UBR1: variants seen among roughly 807,000 people sequenced by gnomAD.
UBR1 encodes the protein ubiquitin protein ligase E3 component n-recognin 1, also known as E3 ubiquitin-protein ligase UBR1.
In UBR1, 102 loss-of-function variants were observed where a neutral mutation model predicts 242.1. The ratio of observed to expected loss-of-function variants is 0.42; its 90% CI spans 0.36 to 0.50. The LOEUF (loss-of-function observed/expected upper bound fraction) is 0.50, where lower values mean the gene tolerates loss of function less well. Among genes scored for constraint, UBR1 ranks in the 20% least tolerant of loss-of-function variants. UBR1 has a pLI of 0.01. For synonymous variants in UBR1, 675 were observed against 684.8 expected, an observed-to-expected ratio of 0.99 and a Z score of 0.22; for missense variants, 1,772 against 2,101.8, an observed-to-expected ratio of 0.84 and a Z score of 3.07.
chr15:42,988,690 A>G, intron 35 of UBR1, 129 bp downstream of exon 35: 10 of 1,269,132 alleles, frequency 7.9e-6, no homozygotes, highest in Non-Finnish European at 1.1e-5. Context: ...ACACTAATAC[A>G]CTGAAATACT....
intron 31 of UBR1, among the ~76,000 whole-genome samples, chr15:43,003,605 T>C (rs915134619): frequency 6.6e-6 from 1 of 152,212 alleles, no homozygotes; most frequent in African/African-American, 2.4e-5. Flanking sequence ...CTGATTAGTT[T>C]ATGGAGAGCA....
chr15:43,004,661 G>A (rs554433822), intron 30 of UBR1, among the ~76,000 whole-genome samples: 76 of 152,320 alleles, frequency 5.0e-4, no homozygotes, highest in African/African-American at 1.7e-3. Context: ...GATTGCAGAC[G>A]GAGTCTCGCT....
At position 43,059,083 on chromosome 15, in the gene UBR1, A is replaced by C. The variant is rs1218523305; in HGVS notation, c.1093+2T>G. 1 of 1,612,328 alleles carries C rather than the reference A, an allele frequency of 6.2e-7. No individual in the cohort carries two copies. Among genetic ancestry groups the C allele is most frequent in the Non-Finnish European group, 8.5e-7 (1 of 1,178,550 alleles). Reference sequence around the variant, plus strand: ...AAACAGCATAAGCAAATGTCTACTTACCTTTATAAAGCTTTGCATCCCAAA... The same window carrying C: ...AAACAGCATAAGCAAATGTCTACTTCCCTTTATAAAGCTTTGCATCCCAAA... On this transcript the variant is annotated splice_donor_variant, in intron 9 of 46. Transcript: ENST00000290650. LOFTEE classifies it high-confidence loss of function.
chr15:42,971,366 C>T (rs2032205337), intron 39 of UBR1, among the ~76,000 whole-genome samples: 1 of 152,166 alleles, frequency 6.6e-6, no homozygotes, highest in South Asian at 2.1e-4. Context: ...ATCCTAAACC[C>T]TTCCAGCAAC....
At chr15:43,100,934 A>G (rs2034226514) in intron 1 of UBR1, among the ~76,000 whole-genome samples, 1 of 152,278 alleles carries the variant, frequency 6.6e-6, no homozygotes, top group Admixed American at 6.5e-5. Flanking sequence ...CTAAGTAAAT[A>G]AAGACAATAC....
At chr15:43,091,266 C>T (rs540741798) in intron 1 of UBR1, among the ~76,000 whole-genome samples, 209 of 152,288 alleles carry the variant, frequency 1.4e-3, no homozygotes, top group African/African-American at 4.8e-3. Flanking sequence ...TCTACCTTTA[C>T]TGGCTTGTTC....
In UBR1 at chr15:43,032,064, GATGATGGCAATGA is replaced by G. The variant is rs563581567; in HGVS notation, c.2254+491_2254+503del. Among the ~76,000 whole-genome samples the G allele has an allele frequency of 1.6e-3, 249 of 152,076 alleles. 1 individual carries two copies. In the Middle Eastern group the frequency reaches 0.027, roughly 17 times the overall value. On this transcript the variant is annotated intron_variant, in intron 20 of 46. Coordinates refer to ENST00000290650, the MANE Select transcript of UBR1 (RefSeq NM_174916.3). The stretch of plus-strand genomic sequence containing the variant: ...AACAAAACAAAACAAAACAGAACAA[GATGATGGCAATGA>G]ATGTACCAGGTGGTAAAATCAACAC...
chr15:43,055,641 G>A (rs560165712), intron 11 of UBR1, among the ~76,000 whole-genome samples: 10 of 152,238 alleles, frequency 6.6e-5, no homozygotes, highest in Non-Finnish European at 1.3e-4. Context: ...AGGGCTGGGC[G>A]CGGTGGCTCA....
intron 1 of UBR1, among the ~76,000 whole-genome samples, chr15:43,092,679 A>C (rs964960462): frequency 6.6e-6 from 1 of 151,958 alleles, no homozygotes; most frequent in Non-Finnish European, 1.5e-5. Context: ...TCAGCCTCCC[A>C]AGTAGCTGGG....
chr15:42,993,107 A>G (rs556556901), intron 33 of UBR1, among the ~76,000 whole-genome samples: 11 of 152,210 alleles, frequency 7.2e-5, no homozygotes, highest in Admixed American at 2.0e-4. Flanking sequence ...TCCTCTGACC[A>G]GAAAGAGATG....
rs545130203 is a variant in UBR1, at chr15:43,068,184, AT to A, written c.660-149del. 57,547 of 253,612 alleles carry A rather than the reference AT, an allele frequency of 0.23. 1,443 individuals are homozygous for A. The highest frequency in any genetic ancestry group is 0.3 in the African/African-American group (9,580 of 31,906). 15.7% of individuals were successfully genotyped at this position (253,612 alleles called of 1,614,324 possible). A position where few individuals can be genotyped will look rare whatever the true frequency, so the allele number is the denominator to read the frequency against. On this transcript the variant is annotated intron_variant, in intron 5 of 46. Transcript: ENST00000290650. ...CACCATAAAAGTAATATAGAATTTG[AT>A]TTTTTTTTTTTTTTTTTTTTTGAAA...
rs181623854 is a variant in UBR1, at chr15:42,988,893, A to G, written c.3923T>C (p.Val1308Ala). The change falls in exon 35 of 47, where the codon GTG becomes GCG. Residue 1308 changes from valine (V) to alanine (A), a missense_variant. This residue lies in a region of UBR1 where 965 missense variants were observed against 1,079.7 expected (regional missense o/e 0.89). Coordinates refer to ENST00000290650, the MANE Select transcript of UBR1 (RefSeq NM_174916.3). Reference sequence around the variant, plus strand: ...TCGAGGATCCCTTTCATCAGGTGGCACTTTCAATCCAATTCTATAAATTGT... The same window carrying G: ...TCGAGGATCCCTTTCATCAGGTGGCGCTTTCAATCCAATTCTATAAATTGT... ...ATTIYRIGLK[V>A]PPDERDPRVP... 5 of 1,614,024 alleles carry G rather than the reference A, an allele frequency of 3.1e-6. No homozygotes were observed. The African/African-American group carries it at 6.7e-5, about 22-fold the overall frequency.
At position 42,977,674 on chromosome 15, in the gene UBR1, T is replaced by C. The variant is rs537743974; in HGVS notation, c.4218+206A>G. On this transcript the variant is annotated intron_variant, in intron 38 of 46. Transcript: ENST00000290650. Reference sequence around the variant, plus strand: ...CAACCAGGACAAGACCTATTACAAATTGAAGTGCTTTTTTTTTTTTTTTTT... The same window carrying C: ...CAACCAGGACAAGACCTATTACAAACTGAAGTGCTTTTTTTTTTTTTTTTT... 1.1e-4 allele frequency among the ~76,000 whole-genome samples: 16 copies of C among 150,516 alleles called. No homozygotes were observed. In the South Asian group the frequency reaches 2.7e-3, roughly 26 times the overall value.
intron 39 of UBR1, among the ~76,000 whole-genome samples, chr15:42,975,934 T>C (rs1055057625): frequency 6.6e-6 from 1 of 152,134 alleles, no homozygotes; most frequent in Non-Finnish European, 1.5e-5. Context: ...TGCAGGCTGT[T>C]CTTGAACTTC....
intron 1 of UBR1, among the ~76,000 whole-genome samples, chr15:43,102,835 CTG>C (rs757597878): frequency 6.6e-6 from 1 of 152,082 alleles, no homozygotes; most frequent in Non-Finnish European, 1.5e-5. Context: ...CTCTTTTCCT[CTG>C]TGTGTGTGTA....
Position 43,056,335 on chromosome 15 carries a change from A to G in UBR1, c.1281+9T>C. On this transcript the variant is annotated intron_variant, in intron 11 of 46. Coordinates refer to ENST00000290650, the MANE Select transcript of UBR1 (RefSeq NM_174916.3). The stretch of plus-strand genomic sequence containing the variant: ...TTAGAAAGACTGAAAAGGAATAATC[A>G]ATACATACCAGAGTAGGAACAGTAA... 1 of 1,587,378 alleles carries G rather than the reference A, an allele frequency of 6.3e-7. No homozygotes were observed.
At position 43,082,689 on chromosome 15, in the gene UBR1, T is replaced by G; in HGVS notation, c.366A>C (p.Val122=). Reference sequence around the variant, plus strand: ...TGTCCTGGAAGCAGTCCATACAGAGTACACATGTTGGATCAATTGCACAAT... The same window carrying G: ...TGTCCTGGAAGCAGTCCATACAGAGGACACATGTTGGATCAATTGCACAAT... ...CRDCAIDPTC[V]LCMDCFQDSV... is the part of the protein sequence containing the mutation. The change falls in exon 3 of 47, where the codon GTA becomes GTC. Residue 122 remains valine, a synonymous_variant. Coordinates refer to ENST00000290650, the MANE Select transcript of UBR1 (RefSeq NM_174916.3). 1 of 1,613,780 alleles carries G rather than the reference T, an allele frequency of 6.2e-7. No homozygotes were observed. The highest frequency in any genetic ancestry group is 2.2e-5 in the East Asian group (1 of 44,814).
At chr15:43,043,480 G>A (rs2033445536) in intron 14 of UBR1, 85 bp from the exon 15 acceptor site, 6 of 1,296,252 alleles carry the variant, frequency 4.6e-6, no homozygotes, top group African/African-American at 1.5e-5. Context: ...CCTGTCCTGT[G>A]GCCTAGGCTG....
At chr15:43,060,413 T>G (rs1053996091) in intron 6 of UBR1, among the ~76,000 whole-genome samples, 1 of 152,226 alleles carries the variant, frequency 6.6e-6, no homozygotes, top group African/African-American at 2.4e-5. Flanking sequence ...TATGAAACAA[T>G]GACTCAGGCT....
Sources: allele counts gnomAD v4.1 joint callset (sites outside exome capture counted in the v4.1 genomes callset), GRCh38; gene constraint gnomAD v4.1.1; regional missense constraint gnomAD v4.1.1; transcripts MANE v1.5; gene names NCBI Gene and HGNC (gene_info 2026-07-23, HGNC 2026-07-21).